The following DOCK6 variants were observed in gnomAD, a reference collection of about 807,000 sequenced individuals.
DOCK6 encodes the protein dedicator of cytokinesis 6.
DOCK6 carries 167 observed loss-of-function variants against 230.3 expected under a neutral mutation model. The ratio of observed to expected loss-of-function variants is 0.73; its 90% CI spans 0.64 to 0.82. The LOEUF is 0.82. Among genes scored for constraint, DOCK6 ranks in the 40% least tolerant of loss-of-function variants. The pLI is 0.00. For synonymous variants in DOCK6, 1,148 were observed against 1,185.0 expected (o/e 0.97, Z 0.64); for missense variants, 2,598 against 2,825.8 (o/e 0.92, Z 1.83).
At position 11,221,921 on chromosome 19, in the gene DOCK6, A is replaced by G. The variant is rs2079585051; in HGVS notation, c.3480T>C (p.Arg1160=). 3 of 1,613,264 alleles carry G rather than the reference A, an allele frequency of 1.9e-6. No homozygotes were observed. The highest frequency in any genetic ancestry group is 2.5e-6 in the Non-Finnish European group (3 of 1,179,868). Residue 1160 remains arginine, a synonymous_variant, in exon 28 of 48, where the codon CGT becomes CGC. Coordinates refer to ENST00000294618, the MANE Select transcript of DOCK6 (RefSeq NM_020812.4). ...PRYAEATVKA[R]VAELYLPLLS... is the part of the protein sequence containing the mutation. Reference sequence around the variant, plus strand: ...GCAGTGGCAGGTACAGCTCGGCCACACGAGCCTTCACAGTGGCCTCGGCGT... The same window carrying G: ...GCAGTGGCAGGTACAGCTCGGCCACGCGAGCCTTCACAGTGGCCTCGGCGT...
In DOCK6 at chr19:11,201,859, A is replaced by AC; in HGVS notation, c.5688+29dup. Reference sequence around the variant, plus strand: ...GGGTCTGATGTCCCCTCACCTCCCCACCCCCGCCAGGCCCAGGATCCCCAC... The same window carrying AC: ...GGGTCTGATGTCCCCTCACCTCCCCACCCCCCGCCAGGCCCAGGATCCCCAC... On this transcript the variant is annotated intron_variant, in intron 44 of 47. Coordinates refer to ENST00000294618, the MANE Select transcript of DOCK6 (RefSeq NM_020812.4). The surrounding 1 kb of genome is among the most constrained non-coding windows in gnomAD (Gnocchi z 4.3). The AC allele has an allele frequency of 3.0e-6, 2 of 671,128 alleles. No individual in the cohort carries two copies. Among genetic ancestry groups the AC allele is most frequent in the Non-Finnish European group, 2.0e-6 (1 of 496,348 alleles). The allele number at this position is 671,128 out of a possible 1,614,324, so 41.6% of individuals were successfully genotyped here.
chr19:11,255,533 C>T (rs562478724), intron 1 of DOCK6, among the ~76,000 whole-genome samples: 2 of 152,200 alleles, frequency 1.3e-5, no homozygotes, highest in East Asian at 3.9e-4. Flanking sequence ...AGGCTGGTCT[C>T]GAACTCCTGA....
chr19:11,242,429 T>C (rs563234674), intron 13 of DOCK6, among the ~76,000 whole-genome samples: 55 of 152,202 alleles, frequency 3.6e-4, no homozygotes, highest in Non-Finnish European at 6.5e-4. Context: ...AGTCACTCTG[T>C]TGCTCAGGCT....
intron 14 of DOCK6, chr19:11,241,509 G>A (rs1007339147): frequency 7.7e-6 from 12 of 1,552,720 alleles, no homozygotes; most frequent in African/African-American, 4.1e-5. Flanking sequence ...CGGCAGAGGC[G>A]GGAGATGGTG....
In DOCK6 at chr19:11,202,524, C is replaced by G. The variant is rs773801699; in HGVS notation, c.5362-41G>C. On this transcript the variant is annotated intron_variant, in intron 42 of 47. Transcript: ENST00000294618. The surrounding 1 kb of genome is among the most constrained non-coding windows in gnomAD (Gnocchi z 5.3). ...TGACTCGGGGCCACCCAGGGACAGC[C>G]CCTACTCCAGCCCCAAGGCAGCCCC... 1 of 1,613,704 alleles carries G rather than the reference C, an allele frequency of 6.2e-7. No individual in the cohort carries two copies. The highest frequency in any genetic ancestry group is 8.5e-7 in the Non-Finnish European group (1 of 1,179,772).
rs1479757238 is a variant in DOCK6, at chr19:11,200,675, T to G, written c.5939+41A>C. 6.4e-7 allele frequency: 1 copy of G among 1,572,510 alleles called. No individual in the cohort carries two copies. The highest frequency in any genetic ancestry group is 8.6e-7 in the Non-Finnish European group (1 of 1,158,536). ...GGGCAGAGAGCAGGCCTATGCAGGTTAGGCAGACACGAGACCCCTCCTGGG... is the reference window on the plus strand; with the variant it reads ...GGGCAGAGAGCAGGCCTATGCAGGTGAGGCAGACACGAGACCCCTCCTGGG... On this transcript the variant is annotated intron_variant, in intron 46 of 47. Transcript: ENST00000294618. This position sits in a 1 kb window ranked among gnomAD's most constrained non-coding sequence, Gnocchi z 4.3.
intron 39 of DOCK6, 60 bp from the exon 40 acceptor site, chr19:11,204,391 G>A: frequency 6.3e-7 from 1 of 1,583,704 alleles, no homozygotes; most frequent in Non-Finnish European, 8.6e-7. Flanking sequence ...CTGTGCTCCT[G>A]TCTACCCATC....
In DOCK6 at chr19:11,200,864, C is replaced by G; in HGVS notation, c.5833-42G>C. On this transcript the variant is annotated intron_variant, in intron 45 of 47. Coordinates refer to ENST00000294618, the MANE Select transcript of DOCK6 (RefSeq NM_020812.4). This position sits in a 1 kb window ranked among gnomAD's most constrained non-coding sequence, Gnocchi z 4.3. ...ACTGGTGAGCCAGCCTGCATGGCAC[C>G]TGGAGTCCCCCGTGCGGCTTGCATC... The G allele has an allele frequency of 5.0e-6, 8 of 1,613,538 alleles. No homozygotes were observed. Among genetic ancestry groups the G allele is most frequent in the Non-Finnish European group, 6.8e-6 (8 of 1,179,578 alleles).
In DOCK6 at chr19:11,212,171, A is replaced by C; in HGVS notation, c.4492-20T>G. ...AAAGTTCTGCAGGGACAGGGGCGGG[A>C]GGGTGGAGCCGGGAGTCTCAGACCC... is the stretch of plus-strand genomic sequence containing the variant. On this transcript the variant is annotated intron_variant, in intron 35 of 47. Coordinates refer to ENST00000294618, the MANE Select transcript of DOCK6 (RefSeq NM_020812.4). The C allele has an allele frequency of 6.7e-7, 1 of 1,488,328 alleles. No individual in the cohort carries two copies. Among genetic ancestry groups the C allele is most frequent in the Non-Finnish European group, 9.1e-7 (1 of 1,095,146 alleles). 92.2% of individuals were successfully genotyped at this position (1,488,328 alleles called of 1,614,324 possible). A position where few individuals can be genotyped will look rare whatever the true frequency, so the allele number is the denominator to read the frequency against.
chr19:11,210,465 TTCACCTGTCCACCCCC>T (rs1434019883), intron 37 of DOCK6, among the ~76,000 whole-genome samples: 3 of 117,520 alleles, frequency 2.6e-5, no homozygotes, highest in Non-Finnish European at 5.4e-5. Flanking sequence ...TGTTCACCCC[TTCACCTGTCCACCCCC>T]TCACCTGTCT....
Position 11,236,347 on chromosome 19 carries a change from A to T in DOCK6, c.2391T>A (p.Ile797=), listed in dbSNP as rs539690413. 68 of 1,549,354 alleles carry T rather than the reference A, an allele frequency of 4.4e-5. No homozygotes were observed. The highest frequency in any genetic ancestry group is 1.7e-4 in the Admixed American group (9 of 51,834). Residue 797 remains isoleucine (I), a splice_region_variant and synonymous_variant, in exon 20 of 48, where the codon ATT becomes ATA. Coordinates refer to ENST00000294618, the MANE Select transcript of DOCK6 (RefSeq NM_020812.4). The surrounding 1 kb of genome is among the most constrained non-coding windows in gnomAD (Gnocchi z 5.2). ...AGGTCTGAGGCCACATTCGCTTACC[A>T]ATCTGGCCACTGATGATCGGGGGCC... ...VIRPPIISGQ[I]VNLGRGAFEA... is the part of the protein sequence containing the mutation.
Position 11,200,170 on chromosome 19 carries a change from AC to A in DOCK6, c.6101+137del. On this transcript the variant is annotated intron_variant, in intron 47 of 47. Transcript: ENST00000294618. This position sits in a 1 kb window ranked among gnomAD's most constrained non-coding sequence, Gnocchi z 4.3. ...TCTCAAAAAAAAAAACAAAAAAAAA[AC>A]CGGAAACAAAACAAAGTCCAAGCTA... 3 of 934,590 alleles carry A rather than the reference AC, an allele frequency of 3.2e-6. No individual in the cohort carries two copies. The highest frequency in any genetic ancestry group is 2.8e-5 in the East Asian group (1 of 36,074). The allele number at this position is 934,590 out of a possible 1,614,324, so 57.9% of individuals were successfully genotyped here.
rs184521563 is a variant in DOCK6 at position 11,230,034 on chromosome 19, A to C, written c.2719-999T>G. On this transcript the variant is annotated intron_variant, in intron 22 of 47. Transcript: ENST00000294618. ...ACTCTAGCTTGGGTGACAGAGCAAG[A>C]CTCCATCTCAAAAAAAAAAAAAAAA... Among the ~76,000 whole-genome samples the C allele has an allele frequency of 1.3e-4, 16 of 126,782 alleles. No individual in the cohort carries two copies. The East Asian group carries it at 3.4e-3, about 27-fold the overall frequency. The allele number at this position is 126,782 out of a possible 152,430, so 83.2% of individuals were successfully genotyped here.
chr19:11,248,490 A>T (rs2080070490), intron 6 of DOCK6, among the ~76,000 whole-genome samples: 2 of 151,424 alleles, frequency 1.3e-5, no homozygotes, highest in South Asian at 4.2e-4. Flanking sequence ...GGCTCACTGC[A>T]ACCTCTGCCT....
intron 6 of DOCK6, among the ~76,000 whole-genome samples, chr19:11,250,643 A>G (rs2080102796): frequency 3.9e-5 from 6 of 152,280 alleles, no homozygotes; most frequent in Middle Eastern, 3.4e-3. Flanking sequence ...GGTATACAAT[A>G]GGCACCCAAT....
At chr19:11,230,300 T>C (rs936937189) in intron 22 of DOCK6, among the ~76,000 whole-genome samples, 5 of 151,814 alleles carry the variant, frequency 3.3e-5, no homozygotes, top group African/African-American at 7.3e-5. Context: ...GATTGCACCA[T>C]TGCACTCCAG....
At chr19:11,260,408 C>T (rs1052611343) in intron 1 of DOCK6, among the ~76,000 whole-genome samples, 2 of 151,660 alleles carry the variant, frequency 1.3e-5, no homozygotes, top group African/African-American at 2.4e-5. Context: ...AGTGAGATCC[C>T]GTTTCTACAA....
chr19:11,251,838 G>T, intron 5 of DOCK6: 1 of 427,234 alleles, frequency 2.3e-6, no homozygotes, highest in African/African-American at 2.0e-5. Context: ...ACAGGCTCAC[G>T]GCCTCTAAGA....
At chr19:11,227,551 G>T in intron 23 of DOCK6, 74 bp from the exon 24 acceptor site, 4 of 1,500,224 alleles carry the variant, frequency 2.7e-6, no homozygotes, top group Non-Finnish European at 3.6e-6. Context: ...TGTGGGTGGG[G>T]CTTGAAGGGC....
Sources: allele counts gnomAD v4.1 joint callset (sites outside exome capture counted in the v4.1 genomes callset), GRCh38; gene constraint gnomAD v4.1.1; non-coding constraint Gnocchi (gnomAD v3.1); transcripts MANE v1.5; gene names NCBI Gene and HGNC (gene_info 2026-07-23, HGNC 2026-07-21).